Variants in RB1CC1 observed in about 807,000 individuals in gnomAD.
RB1CC1 encodes the protein RB1-inducible coiled-coil protein 1.
A neutral mutation model predicts 177.5 loss-of-function variants in RB1CC1; 46 were observed. That is an observed-to-expected ratio of 0.26 (90% CI 0.20 to 0.33). The LOEUF (loss-of-function observed/expected upper bound fraction) is 0.33, where lower values mean the gene tolerates loss of function less well. Among genes scored for constraint, RB1CC1 ranks in the 10% least tolerant of loss-of-function variants. The pLI is 1.00. For synonymous variants in RB1CC1, 666 were observed against 613.6 expected (o/e 1.09, Z -1.26); for missense variants, 1,703 against 1,816.3 (o/e 0.94, Z 1.13).
chr8:52,708,239 G>A (rs974019309), intron 1 of RB1CC1, among the ~76,000 whole-genome samples: 3 of 152,130 alleles, frequency 2.0e-5, no homozygotes, highest in Admixed American at 6.5e-5. Context: ...AAGTATTGCC[G>A]GGCACACTGG....
chr8:52,713,725 T>C (rs1461787350), intron 1 of RB1CC1, among the ~76,000 whole-genome samples: 2 of 152,200 alleles, frequency 1.3e-5, no homozygotes, highest in African/African-American at 2.4e-5. Flanking sequence ...CTCCGGCAAC[T>C]AGGCCGGGTA....
intron 8 of RB1CC1, among the ~76,000 whole-genome samples, chr8:52,665,933 G>A (rs1852025901): frequency 1.3e-5 from 2 of 152,116 alleles, no homozygotes; most frequent in South Asian, 4.1e-4. Flanking sequence ...AGGTACAATG[G>A]AACAGTTTAT....
chr8:52,631,692 T>C (rs2150380525), intron 20 of RB1CC1, among the ~76,000 whole-genome samples: 1 of 152,302 alleles, frequency 6.6e-6, no homozygotes, highest in South Asian at 2.1e-4. Context: ...TTTAAGATCC[T>C]GCCTTAAGGT....
rs374462196 is a variant in RB1CC1 at position 52,650,805 on chromosome 8, A to C, written c.3822-4938T>G. On this transcript the variant is annotated intron_variant, in intron 15 of 23. Transcript: ENST00000025008. ...TTGTTTGAAAAACCAGTGACTAAGG[A>C]AGGCAAGGCTTTGAGACATGTCCCA... Among the ~76,000 whole-genome samples the C allele has an allele frequency of 1.4e-4, 21 of 152,328 alleles. No individual in the cohort carries two copies. The South Asian group carries it at 3.9e-3, about 29-fold the overall frequency.
In RB1CC1 at chr8:52,678,971, A is replaced by ATTTGGTTGGTTTCCCTTTTGTATTT. The variant is rs1252501470; in HGVS notation, c.370-2401_370-2400insAAATACAAAAGGGAAACCAACCAAA. Among the ~76,000 whole-genome samples the ATTTGGTTGGTTTCCCTTTTGTATTT allele has an allele frequency of 1.9e-4, 29 of 152,336 alleles. No individual in the cohort carries two copies. In the South Asian group the frequency reaches 6.0e-3, roughly 32 times the overall value. On this transcript the variant is annotated intron_variant, in intron 5 of 23. Coordinates refer to ENST00000025008, the MANE Select transcript of RB1CC1 (RefSeq NM_014781.5). ...CTCCTTCATGAAACCAACCAAATAC[A>ATTTGGTTGGTTTCCCTTTTGTATTT]AAAGGGAAACAAGACACCATCTTGA...
At position 52,673,861 on chromosome 8, in the gene RB1CC1, A is replaced by G. The variant is rs1852826751; in HGVS notation, c.986T>C (p.Phe329Ser). ...NDVESLVRKC[F>S]DSMSRLDPRI... is the part of the protein sequence containing the mutation. ...GTTACTTACCCTGCTCATAGAATCA[A>G]AGCACTTCCTGACCAAAGATTCCAC... Residue 329 changes from phenylalanine to serine, a missense_variant, in exon 7 of 24, where the codon TTT becomes TCT. Coordinates refer to ENST00000025008, the MANE Select transcript of RB1CC1 (RefSeq NM_014781.5). The G allele has an allele frequency of 6.2e-7, 1 of 1,609,910 alleles. No individual in the cohort carries two copies.
At chr8:52,640,260 G>A (rs1270224918) in intron 18 of RB1CC1, among the ~76,000 whole-genome samples, 1 of 152,198 alleles carries the variant, frequency 6.6e-6, no homozygotes. Context: ...GTACAGAGGA[G>A]AGGAGATGAG....
chr8:52,642,565 G>T lies in RB1CC1; in HGVS notation c.4123C>A (p.Arg1375=), dbSNP rs1029910522. The change falls in exon 18 of 24, where the codon CGA becomes AGA. Residue 1375 remains arginine (R), a synonymous_variant. Coordinates refer to ENST00000025008, the MANE Select transcript of RB1CC1 (RefSeq NM_014781.5). ...TTCTTTTCCTCAAGCAAACGAGCTC[G>T]ATCTTCAGAAAGTGACTCTATCAAA... ...KDLIESLSED[R]ARLLEEKKKL... The T allele has an allele frequency of 6.8e-6, 11 of 1,613,730 alleles. No homozygotes were observed. The highest frequency in any genetic ancestry group is 9.3e-6 in the Non-Finnish European group (11 of 1,179,920).
At chr8:52,645,977 A>G in intron 15 of RB1CC1, 110 bp from the exon 16 acceptor site, 6 of 1,075,262 alleles carry the variant, frequency 5.6e-6, no homozygotes, top group Non-Finnish European at 8.1e-6. Flanking sequence ...ATGTAGCATG[A>G]AAGATATCTG....
chr8:52,692,592 T>A (rs1269420949), intron 1 of RB1CC1, among the ~76,000 whole-genome samples: 1 of 152,112 alleles, frequency 6.6e-6, no homozygotes, highest in Non-Finnish European at 1.5e-5. Context: ...AGAAAGAAAG[T>A]TGTAAAAACT....
Position 52,685,592 on chromosome 8 carries a change from A to T in RB1CC1, c.-51-72T>A, listed in dbSNP as rs112609546. The stretch of plus-strand genomic sequence containing the variant: ...TCACAAATACTATCATCATTATGAC[A>T]CAGTACAGTATTACTATATAAATAA... On this transcript the variant is annotated intron_variant, in intron 2 of 23. Transcript: ENST00000025008. 57 of 608,542 alleles carry T rather than the reference A, an allele frequency of 9.4e-5. No individual in the cohort carries two copies. In the African/African-American group the frequency reaches 1.0e-3, roughly 11 times the overall value. 37.7% of individuals were successfully genotyped at this position (608,542 alleles called of 1,614,324 possible).
chr8:52,665,020 A>G (rs76328604), intron 8 of RB1CC1, among the ~76,000 whole-genome samples: 5,910 of 152,258 alleles, frequency 0.039, 162 homozygotes, highest in Non-Finnish European at 0.058. Context: ...CGAGTGTCTA[A>G]GGTAAGATAA....
At chr8:52,706,508 G>A (rs1045866775) in intron 1 of RB1CC1, among the ~76,000 whole-genome samples, 3 of 151,502 alleles carry the variant, frequency 2.0e-5, no homozygotes, top group East Asian at 2.0e-4. Context: ...CGAGGCAGGC[G>A]GATCATGAGG....
At chr8:52,681,760 G>C (rs1319771144) in intron 5 of RB1CC1, among the ~76,000 whole-genome samples, 1 of 152,194 alleles carries the variant, frequency 6.6e-6, no homozygotes, top group East Asian at 1.9e-4. Context: ...GTGAGATCCT[G>C]TCTCTATATA....
Position 52,668,198 on chromosome 8 carries a change from G to T in RB1CC1, c.1003-7C>A. The T allele has an allele frequency of 6.2e-7, 1 of 1,611,970 alleles. No homozygotes were observed. Among genetic ancestry groups the T allele is most frequent in the South Asian group, 1.1e-5 (1 of 90,954 alleles). On this transcript the variant is annotated splice_region_variant and splice_polypyrimidine_tract_variant and intron_variant, in intron 7 of 23. Transcript: ENST00000025008. ...GAATAATCCTTGGATCAAGCTAAAT[G>T]ACAAGGAAACACATACGAATACAAT...
chr8:52,638,741 C>T (rs915077729), intron 18 of RB1CC1, among the ~76,000 whole-genome samples: 1 of 152,012 alleles, frequency 6.6e-6, no homozygotes, highest in African/African-American at 2.4e-5. Flanking sequence ...GTCTTTACTA[C>T]ATCTATCATT....
rs1854017174 is a variant in RB1CC1, at chr8:52,684,028, A to T, written c.72-15T>A. 1 of 1,607,862 alleles carries T rather than the reference A, an allele frequency of 6.2e-7. No homozygotes were observed. Among genetic ancestry groups the T allele is most frequent in the Admixed American group, 1.7e-5 (1 of 59,190 alleles). On this transcript the variant is annotated splice_polypyrimidine_tract_variant and intron_variant, in intron 3 of 23. Coordinates refer to ENST00000025008, the MANE Select transcript of RB1CC1 (RefSeq NM_014781.5). ...GGTCTGCCACACTTCAAAAAATGAA[A>T]TAAAATAAATCAGTTGTTTATATTT...
intron 20 of RB1CC1, among the ~76,000 whole-genome samples, chr8:52,633,837 C>T (rs1338810234): frequency 6.6e-6 from 1 of 152,144 alleles, no homozygotes; most frequent in East Asian, 1.9e-4. Context: ...GCCTGGAATC[C>T]CAGCACTTGG....
chr8:52,712,486 C>T (rs894626086), intron 1 of RB1CC1, among the ~76,000 whole-genome samples: 2 of 109,412 alleles, frequency 1.8e-5, no homozygotes, highest in African/African-American at 7.7e-5. Context: ...TTGTGTTTGG[C>T]AGCAAGAGCC....
Sources: allele counts gnomAD v4.1 joint callset (sites outside exome capture counted in the v4.1 genomes callset), GRCh38; gene constraint gnomAD v4.1.1; transcripts MANE v1.5; gene names NCBI Gene and HGNC (gene_info 2026-07-23, HGNC 2026-07-21).